The following KCNH7 variants were observed in gnomAD, a reference collection of about 807,000 sequenced individuals.
KCNH7 encodes voltage-gated inwardly rectifying potassium channel KCNH7.
A neutral mutation model predicts 120.8 loss-of-function variants in KCNH7; 49 were observed. The observed-to-expected ratio is 0.41, with a 90% CI of 0.32 to 0.51. The LOEUF (loss-of-function observed/expected upper bound fraction) is 0.51. Among genes scored for constraint, KCNH7 ranks in the 20% least tolerant of loss-of-function variants. The pLI, the probability that KCNH7 is intolerant of heterozygous loss-of-function variation, is 0.38. For synonymous variants in KCNH7, 547 were observed against 516.1 expected (o/e 1.06, Z -0.81); for missense variants, 1,097 against 1,446.6 (o/e 0.76, Z 3.92).
intron 2 of KCNH7, among the ~76,000 whole-genome samples, chr2:162,652,789 T>C (rs1051714395): frequency 2.0e-5 from 3 of 152,210 alleles, no homozygotes; most frequent in African/African-American, 4.8e-5. Context: ...AGTTCCAATT[T>C]TGACACTTTC....
chr2:162,636,050 C>T (rs973326292), intron 2 of KCNH7, among the ~76,000 whole-genome samples: 1 of 152,062 alleles, frequency 6.6e-6, no homozygotes, highest in Admixed American at 6.6e-5. Context: ...TTGACACCTA[C>T]TTTGGTTTCA....
At chr2:162,694,670 G>A (rs1464280388) in intron 2 of KCNH7, among the ~76,000 whole-genome samples, 1 of 152,058 alleles carries the variant, frequency 6.6e-6, no homozygotes, top group African/African-American at 2.4e-5. Flanking sequence ...ACTAAGAGGA[G>A]GTAGGGAAGC....
At chr2:162,585,946 C>T (rs1485984) in intron 2 of KCNH7, among the ~76,000 whole-genome samples, 77,482 of 151,716 alleles carry the variant, frequency 0.51, 19,989 homozygotes, top group Middle Eastern at 0.62. Context: ...TACCTTAAAG[C>T]GTTTATCAAA....
chr2:162,559,078 C>CAAAAAAAAAAAAAAAAAAAAAAAAAAAA (rs1270814815), intron 2 of KCNH7, among the ~76,000 whole-genome samples: 1 of 127,162 alleles, frequency 7.9e-6, no homozygotes, highest in African/African-American at 3.0e-5. Context: ...AAAAAAAAAG[C>CAAAAAAAAAAAAAAAAAAAAAAAAAAAA]AAAAAAACAA....
intron 2 of KCNH7, among the ~76,000 whole-genome samples, chr2:162,570,370 T>G (rs1693423798): frequency 6.6e-6 from 1 of 152,016 alleles, no homozygotes; most frequent in African/African-American, 2.4e-5. Flanking sequence ...TTTTTTTGTT[T>G]TCCATTTGCT....
rs1270516168 is a variant in KCNH7, at chr2:162,771,168, A to C, written c.307+65369T>G. ...AGACCATTTCCATTTTCTGAAGCAC[A>C]TTACTGGCTCCTTGAAATATGTTAT... On this transcript the variant is annotated intron_variant, in intron 2 of 15. Coordinates refer to ENST00000332142, the MANE Select transcript of KCNH7 (RefSeq NM_033272.4). Among the ~76,000 whole-genome samples, 4 of 152,262 alleles carry C rather than the reference A, an allele frequency of 2.6e-5. No homozygotes were observed. In the East Asian group the frequency reaches 7.7e-4, roughly 29 times the overall value.
chr2:162,494,410 GC>G (rs2105725221), intron 6 of KCNH7, among the ~76,000 whole-genome samples: 1 of 152,130 alleles, frequency 6.6e-6, no homozygotes, highest in Non-Finnish European at 1.5e-5. Context: ...GCTAGAGAGG[GC>G]CCCTGGAGCA....
At chr2:162,534,084 T>C (rs1692026485) in intron 3 of KCNH7, among the ~76,000 whole-genome samples, 1 of 151,366 alleles carries the variant, frequency 6.6e-6, no homozygotes, top group Non-Finnish European at 1.5e-5. Context: ...AGTTAAAAAC[T>C]AGGAAAACAA....
At chr2:162,417,698 A>C (rs1232956491) in intron 9 of KCNH7, among the ~76,000 whole-genome samples, 2 of 152,094 alleles carry the variant, frequency 1.3e-5, no homozygotes, top group African/African-American at 4.8e-5. Flanking sequence ...CCACTGAAGA[A>C]CTCACTTTGC....
intron 2 of KCNH7, among the ~76,000 whole-genome samples, chr2:162,654,048 T>C (rs910101149): frequency 6.7e-6 from 1 of 149,364 alleles, no homozygotes; most frequent in Admixed American, 6.7e-5. Flanking sequence ...ACTACCGGAA[T>C]AAAACATAGG....
intron 9 of KCNH7, 26 bp from the exon 10 acceptor site, chr2:162,400,467 T>C (rs1013343141): frequency 6.2e-7 from 1 of 1,609,062 alleles, no homozygotes; most frequent in African/African-American, 1.3e-5. Flanking sequence ...AAGAGTTTCA[T>C]ACTACCAGTG....
At chr2:162,720,079 A>G (rs1687275259) in intron 2 of KCNH7, among the ~76,000 whole-genome samples, 1 of 152,054 alleles carries the variant, frequency 6.6e-6, no homozygotes, top group African/African-American at 2.4e-5. Context: ...CCACGAATCA[A>G]GTATTTTTAC....
chr2:162,414,141 G>A (rs1467055864), intron 9 of KCNH7, among the ~76,000 whole-genome samples: 1 of 151,896 alleles, frequency 6.6e-6, no homozygotes, highest in Non-Finnish European at 1.5e-5. Flanking sequence ...AAAGGGAAGG[G>A]GGAAAAGTAC....
At chr2:162,799,976 A>G (rs2105540311) in intron 2 of KCNH7, among the ~76,000 whole-genome samples, 1 of 151,804 alleles carries the variant, frequency 6.6e-6, no homozygotes, top group South Asian at 2.1e-4. Flanking sequence ...ACACACACAG[A>G]GCTACTCAGA....
intron 2 of KCNH7, among the ~76,000 whole-genome samples, chr2:162,667,211 G>A (rs529928214): frequency 1.3e-5 from 2 of 151,870 alleles, no homozygotes; most frequent in Admixed American, 1.3e-4. Flanking sequence ...CATAGAGATA[G>A]GGTCTCACTA....
chr2:162,613,120 G>A (rs957659600), intron 2 of KCNH7, among the ~76,000 whole-genome samples: 4 of 151,878 alleles, frequency 2.6e-5, no homozygotes, highest in Non-Finnish European at 5.9e-5. Flanking sequence ...GATTGAGGGA[G>A]GCTAATACAT....
intron 2 of KCNH7, among the ~76,000 whole-genome samples, chr2:162,613,737 A>T (rs1484378404): frequency 6.6e-6 from 1 of 152,020 alleles, no homozygotes; most frequent in Non-Finnish European, 1.5e-5. Flanking sequence ...CATGGATGGT[A>T]TAAAACAATA....
chr2:162,710,648 G>A (rs953234675), intron 2 of KCNH7, among the ~76,000 whole-genome samples: 2 of 152,150 alleles, frequency 1.3e-5, no homozygotes, highest in African/African-American at 4.8e-5. Context: ...GCAGTGGGAG[G>A]ACAGTAGGTA....
chr2:162,380,545 C>G (rs1450426395), intron 13 of KCNH7, among the ~76,000 whole-genome samples: 1 of 152,028 alleles, frequency 6.6e-6, no homozygotes, highest in Non-Finnish European at 1.5e-5. Flanking sequence ...AGCCAAGGAG[C>G]CATAAGCCAT....
Sources: allele counts gnomAD v4.1 joint callset (sites outside exome capture counted in the v4.1 genomes callset), GRCh38; gene constraint gnomAD v4.1.1; transcripts MANE v1.5; gene names NCBI Gene and HGNC (gene_info 2026-07-23, HGNC 2026-07-21).